The following CMTM6 variants were observed in gnomAD, a reference collection of about 807,000 sequenced individuals.
CMTM6 encodes the protein CKLF-like MARVEL transmembrane domain-containing protein 6.
CMTM6 carries 5 observed loss-of-function variants against 13.6 expected under a neutral mutation model. That is an observed-to-expected ratio of 0.37 (90% CI 0.19 to 0.77). CMTM6 has a LOEUF of 0.77. CMTM6 is among the 30% of genes least tolerant of loss of function. The pLI is 0.50. For synonymous variants in CMTM6, 99 were observed against 84.5 expected, an observed-to-expected ratio of 1.17 and a Z score of -0.94; for missense variants, 196 against 218.6, an observed-to-expected ratio of 0.90 and a Z score of 0.65.
intron 1 of CMTM6, among the ~76,000 whole-genome samples, chr3:32,500,916 T>G (rs1206777791): frequency 1.3e-5 from 2 of 151,984 alleles, no homozygotes; most frequent in African/African-American, 4.8e-5. Flanking sequence ...TCAGATGGGC[T>G]GGGCGCAGTG....
intron 1 of CMTM6, 25 bp downstream of exon 1, chr3:32,502,583 T>C: frequency 6.3e-7 from 1 of 1,580,738 alleles, no homozygotes; most frequent in Non-Finnish European, 8.6e-7. Flanking sequence ...CAGCCCGGGC[T>C]CGCCCTCCCT....
chr3:32,487,467 T>A (rs768312880), intron 3 of CMTM6, among the ~76,000 whole-genome samples: 6 of 152,124 alleles, frequency 3.9e-5, no homozygotes, highest in Non-Finnish European at 8.8e-5. Flanking sequence ...AGTGCTGGGA[T>A]TACAAGCCTG....
chr3:32,487,285 T>C (rs942774278), intron 3 of CMTM6, among the ~76,000 whole-genome samples: 2 of 152,106 alleles, frequency 1.3e-5, no homozygotes, highest in Non-Finnish European at 2.9e-5. Flanking sequence ...CCTTGAAAAG[T>C]CTGATGAAAC....
chr3:32,495,419 C>T (rs964102272), intron 1 of CMTM6, among the ~76,000 whole-genome samples: 2 of 152,234 alleles, frequency 1.3e-5, no homozygotes, highest in African/African-American at 4.8e-5. Context: ...TGAGTTCTAA[C>T]ATGACTATAG....
chr3:32,501,869 A>G (rs1013699982), intron 1 of CMTM6, among the ~76,000 whole-genome samples: 2 of 152,370 alleles, frequency 1.3e-5, no homozygotes, highest in Middle Eastern at 3.4e-3. Context: ...CACGACTGTA[A>G]AGTGAATAAT....
chr3:32,492,167 G>A (rs1202845673), intron 1 of CMTM6, among the ~76,000 whole-genome samples: 1 of 152,120 alleles, frequency 6.6e-6, no homozygotes, highest in Non-Finnish European at 1.5e-5. Context: ...GCTCAACTGC[G>A]GGGTCAGGAA....
intron 3 of CMTM6, among the ~76,000 whole-genome samples, chr3:32,485,290 G>C (rs569220310): frequency 6.6e-6 from 1 of 150,618 alleles, no homozygotes; most frequent in Non-Finnish European, 1.5e-5. Flanking sequence ...AATTTAAATA[G>C]TTACAAAAGG....
At chr3:32,497,690 T>C (rs1697308672) in intron 1 of CMTM6, among the ~76,000 whole-genome samples, 1 of 151,158 alleles carries the variant, frequency 6.6e-6, no homozygotes, top group Admixed American at 6.6e-5. Flanking sequence ...AAACCCCGTC[T>C]CTATCAAAAA....
intron 1 of CMTM6, among the ~76,000 whole-genome samples, chr3:32,498,620 G>A (rs1034903860): frequency 1.6e-5 from 2 of 122,628 alleles, no homozygotes; most frequent in African/African-American, 6.6e-5. Context: ...TTTTTTCTGA[G>A]ATGGAGTCTC....
intron 1 of CMTM6, among the ~76,000 whole-genome samples, chr3:32,496,357 G>A (rs185665608): frequency 2.0e-5 from 3 of 151,876 alleles, no homozygotes; most frequent in Non-Finnish European, 4.4e-5. Flanking sequence ...CAAGGCGGGA[G>A]GATTGCTTGG....
intron 1 of CMTM6, 59 bp from the exon 2 acceptor site, chr3:32,491,945 G>A (rs1048817866): frequency 6.5e-5 from 91 of 1,389,450 alleles, no homozygotes; most frequent in Non-Finnish European, 8.7e-5. Context: ...ACAGTATTTA[G>A]AAAGCTGTTT....
Position 32,502,615 on chromosome 3 carries a change from A to T in CMTM6, c.131T>A (p.Leu44Ter), listed in dbSNP as rs1253937047. 10 of 1,597,224 alleles carry T rather than the reference A, an allele frequency of 6.3e-6. No homozygotes were observed. The highest frequency in any genetic ancestry group is 8.5e-6 in the Non-Finnish European group (10 of 1,174,012). ...LPLLRRVLKG[L>*]QLLLSLLAFI... ...CCCTGACCGCGGACTCACCAGCTGC[A>T]AGCCCTTGAGAACGCGCCGGAGCAA... Residue 44 changes from leucine (L) to a stop codon, truncating the protein, a stop_gained, in exon 1 of 4, where the codon TTG becomes TAG. Coordinates refer to ENST00000205636, the MANE Select transcript of CMTM6 (RefSeq NM_017801.3). LOFTEE classifies it high-confidence loss of function.
In CMTM6 at chr3:32,491,967, G is replaced by A. The variant is rs77085027; in HGVS notation, c.139-81C>T. On this transcript the variant is annotated intron_variant, in intron 1 of 3. Transcript: ENST00000205636. ...TTAGAAAGCTGTTTCTGAATAATAC[G>A]TTTACTCAAATATTTACAATGAGGA... The A allele has an allele frequency of 3.0e-3, 3,418 of 1,146,946 alleles. 81 individuals carry two copies. The African/African-American group carries it at 0.049, about 16-fold the overall frequency. 71.0% of individuals were successfully genotyped at this position (1,146,946 alleles called of 1,614,324 possible). A position where few individuals can be genotyped will look rare whatever the true frequency, so the allele number is the denominator to read the frequency against.
chr3:32,502,370 G>A (rs1391330272), intron 1 of CMTM6, among the ~76,000 whole-genome samples: 1 of 152,260 alleles, frequency 6.6e-6, no homozygotes, highest in African/African-American at 2.4e-5. Context: ...CCGCCTAACA[G>A]GCTGGGTGGC....
chr3:32,483,752 T>C lies in CMTM6; in HGVS notation c.*208A>G. Reference sequence around the variant, plus strand: ...AATCTCCATTTGAGATAAGTTTCAATTATTATTTAAAAAAAAATTTTTTTT... The same window carrying C: ...AATCTCCATTTGAGATAAGTTTCAACTATTATTTAAAAAAAAATTTTTTTT... On this transcript the variant is annotated 3_prime_UTR_variant, in exon 4 of 4. Coordinates refer to ENST00000205636, the MANE Select transcript of CMTM6 (RefSeq NM_017801.3). 2.8e-6 allele frequency: 1 copy of C among 356,336 alleles called. No individual in the cohort carries two copies. Among genetic ancestry groups the C allele is most frequent in the Non-Finnish European group, 4.9e-6 (1 of 202,822 alleles). 22.1% of individuals were successfully genotyped at this position (356,336 alleles called of 1,614,324 possible).
intron 3 of CMTM6, among the ~76,000 whole-genome samples, chr3:32,484,614 C>T (rs879745479): frequency 2.6e-5 from 4 of 152,182 alleles, no homozygotes; most frequent in South Asian, 2.1e-4. Flanking sequence ...AGTGACATGA[C>T]GCCACTACCT....
Position 32,484,100 on chromosome 3 carries a change from G to A in CMTM6, c.415-3C>T. The A allele has an allele frequency of 6.4e-7, 1 of 1,572,322 alleles. No homozygotes were observed. The highest frequency in any genetic ancestry group is 2.0e-5 in the Admixed American group (1 of 49,794). ...AAACTTGCTATAAATCCAAACACCT[G>A]AGGAAAAAAAGGAGGAAAGGTTATA... On this transcript the variant is annotated splice_region_variant and splice_polypyrimidine_tract_variant and intron_variant, in intron 3 of 3. Transcript: ENST00000205636.
rs143935653 is a variant in CMTM6 at position 32,482,925 on chromosome 3, G to A, written c.*1035C>T. 1 of 152,272 alleles carries A rather than the reference G, an allele frequency of 6.6e-6. No individual in the cohort carries two copies. The highest frequency in any genetic ancestry group is 2.4e-5 in the African/African-American group (1 of 41,466). The allele number at this position is 152,272 out of a possible 1,614,324, so 9.4% of individuals were successfully genotyped here. A position where few individuals can be genotyped will look rare whatever the true frequency, so the allele number is the denominator to read the frequency against. ...CATGACTCCATTTCTATCTGATAAG[G>A]AGACAGAGAAGAGGCATCTCGAACA... is the stretch of plus-strand genomic sequence containing the variant. On this transcript the variant is annotated 3_prime_UTR_variant, in exon 4 of 4. Transcript: ENST00000205636.
At chr3:32,501,360 C>A (rs972931960) in intron 1 of CMTM6, among the ~76,000 whole-genome samples, 1 of 152,096 alleles carries the variant, frequency 6.6e-6, no homozygotes, top group Admixed American at 6.6e-5. Flanking sequence ...GTAGAAGGAA[C>A]AGCTTATGCA....
Sources: gnomAD v4.1 joint callset for allele counts (sites outside exome capture counted in the v4.1 genomes callset) on GRCh38, gnomAD v4.1.1 for gene constraint, MANE v1.5 for transcripts, NCBI Gene and HGNC (gene_info 2026-07-23, HGNC 2026-07-21) for gene names.